The following ATP2B2 variants were observed in gnomAD, a reference collection of about 807,000 sequenced individuals.
The protein encoded by ATP2B2 is ATPase plasma membrane Ca2+ transporting 2.
Under a neutral mutation model 120.0 loss-of-function variants are expected in ATP2B2, and 15 were observed. The ratio of observed to expected loss-of-function variants is 0.12; its 90% confidence interval spans 0.08 to 0.19. The LOEUF is 0.19. Ranked by LOEUF, ATP2B2 falls within the 10% of genes least tolerant of loss-of-function variation. The probability of loss-of-function intolerance (pLI) is 1.00; values close to 1 mark genes in which losing one functional copy is unlikely to be tolerated. For synonymous variants in ATP2B2, 694 were observed against 700.3 expected, an observed-to-expected ratio of 0.99 and a Z score of 0.14; for missense variants, 1,045 against 1,719.8, an observed-to-expected ratio of 0.61 and a Z score of 6.94.
At chr3:10,471,476 G>T (rs1289403324) in intron 1 of ATP2B2, among the ~76,000 whole-genome samples, 2 of 151,968 alleles carry the variant, frequency 1.3e-5, no homozygotes, top group Non-Finnish European at 2.9e-5. Context: ...CTTACTGGAG[G>T]GAGTTGAGCA....
At chr3:10,460,615 A>G (rs141094012) in intron 1 of ATP2B2, among the ~76,000 whole-genome samples, 155 of 152,308 alleles carry the variant, frequency 1.0e-3, no homozygotes, top group African/African-American at 3.7e-3. Context: ...CCCATATTTT[A>G]GTGCTGATGC....
In ATP2B2 at chr3:10,398,904, G is replaced by A. The variant is rs565270905; in HGVS notation, c.781+2049C>T. On this transcript the variant is annotated intron_variant, in intron 5 of 22. Transcript: ENST00000360273. ...CTCTGGGCCCTCCTGCCCCTGCTCC[G>A]AGACCCGGCCACCCTATGACTCACT... 3.6e-4 allele frequency among the ~76,000 whole-genome samples: 55 copies of A among 152,176 alleles called. No individual in the cohort carries two copies. In the East Asian group the frequency reaches 8.3e-3, roughly 23 times the overall value.
intron 1 of ATP2B2, among the ~76,000 whole-genome samples, chr3:10,624,566 G>T (rs2069641924): frequency 6.6e-6 from 1 of 152,198 alleles, no homozygotes. Context: ...GAACACAGGG[G>T]TGAGGTTTTA....
intron 3 of ATP2B2, among the ~76,000 whole-genome samples, chr3:10,512,108 T>C (rs2066773121): frequency 6.6e-6 from 1 of 152,136 alleles, no homozygotes; most frequent in Admixed American, 6.5e-5. Context: ...AGAGAGGGTG[T>C]GTGGCTTGTT....
chr3:10,365,333 TGG>T (rs958494143), intron 12 of ATP2B2, among the ~76,000 whole-genome samples: 1 of 152,226 alleles, frequency 6.6e-6, no homozygotes, highest in Non-Finnish European at 1.5e-5. Flanking sequence ...TGTTTGTGTG[TGG>T]GGTGCTGCCA....
At position 10,329,497 on chromosome 3, in the gene ATP2B2, T is replaced by C. The variant is rs2059924439; in HGVS notation, c.3421-372A>G. 6.6e-6 allele frequency among the ~76,000 whole-genome samples: 1 copy of C among 151,942 alleles called. No individual in the cohort carries two copies. Among genetic ancestry groups the C allele is most frequent in the Non-Finnish European group, 1.5e-5 (1 of 68,014 alleles). ...TCACTTTAAAGCAGAGGTTCAACCATGCAGACAGGGAGGAGGACCAGGTGG... is the reference window on the plus strand; with the variant it reads ...TCACTTTAAAGCAGAGGTTCAACCACGCAGACAGGGAGGAGGACCAGGTGG... On this transcript the variant is annotated intron_variant, in intron 22 of 22. Coordinates refer to ENST00000360273, the MANE Select transcript of ATP2B2 (RefSeq NM_001001331.4). The surrounding 1 kb of genome is among the most constrained non-coding windows in gnomAD (Gnocchi z 5.9).
rs953578883 is a variant in ATP2B2, at chr3:10,410,779, T to C, written c.236A>G (p.Lys79Arg). The C allele has an allele frequency of 3.1e-6, 5 of 1,614,090 alleles. No homozygotes were observed. The highest frequency in any genetic ancestry group is 1.3e-5 in the African/African-American group (1 of 74,932). The change falls in exon 3 of 23, where the codon AAG becomes AGG. Residue 79 changes from lysine (K) to arginine (R), a missense_variant. Physicochemically the swap from Lys to Arg is conservative, Grantham distance 26 (BLOSUM62 2). This residue lies in a region of ATP2B2 where 139 missense variants were observed against 134.2 expected (regional missense o/e 1.04). Coordinates refer to ENST00000360273, the MANE Select transcript of ATP2B2 (RefSeq NM_001001331.4). ...PGTAPDLEKR[K>R]QIFGQNFIPP... ...TATAAAGTTTTGCCCAAAAATTTGC[T>C]TTCTCTTTTCCAGGTCTGGAGCGGT...
chr3:10,328,679 T>C lies in ATP2B2; in HGVS notation c.*135A>G. 1 of 939,738 alleles carries C rather than the reference T, an allele frequency of 1.1e-6. No homozygotes were observed. The allele number at this position is 939,738 out of a possible 1,614,324, so 58.2% of individuals were successfully genotyped here. On this transcript the variant is annotated 3_prime_UTR_variant, in exon 23 of 23. Coordinates refer to ENST00000360273, the MANE Select transcript of ATP2B2 (RefSeq NM_001001331.4). ...AGGGTCTGTGGGTGGAAACGTTGGT[T>C]TTCTCTCCAGTATTTGGTTTCCGAT...
intron 1 of ATP2B2, among the ~76,000 whole-genome samples, chr3:10,695,954 A>G (rs2071736112): frequency 6.6e-6 from 1 of 152,204 alleles, no homozygotes; most frequent in South Asian, 2.1e-4. Flanking sequence ...CTTGGTTGCA[A>G]CATACAAAGT....
At chr3:10,603,515 C>T (rs1426625655) in intron 2 of ATP2B2, among the ~76,000 whole-genome samples, 4 of 152,228 alleles carry the variant, frequency 2.6e-5, no homozygotes, top group Non-Finnish European at 4.4e-5. Context: ...GCTTGTGACA[C>T]CGTCAATCTG....
intron 1 of ATP2B2, among the ~76,000 whole-genome samples, chr3:10,624,391 G>A (rs1453752708): frequency 2.0e-5 from 3 of 152,278 alleles, no homozygotes; most frequent in Non-Finnish European, 2.9e-5. Flanking sequence ...CAGGTGCTAT[G>A]TCTGGGTCTC....
intron 22 of ATP2B2, chr3:10,332,272 T>C: frequency 3.7e-6 from 2 of 539,702 alleles, no homozygotes; most frequent in Non-Finnish European, 6.7e-6. Flanking sequence ...GAGCAGGAGG[T>C]GCCTTATCTG....
chr3:10,601,179 G>T (rs1423758144), intron 2 of ATP2B2, among the ~76,000 whole-genome samples: 3 of 152,128 alleles, frequency 2.0e-5, no homozygotes, highest in Non-Finnish European at 4.4e-5. Flanking sequence ...CAGGAGAGTG[G>T]CCACTCTCTA....
intron 3 of ATP2B2, among the ~76,000 whole-genome samples, chr3:10,524,317 T>C (rs1397476056): frequency 6.6e-6 from 1 of 152,194 alleles, no homozygotes; most frequent in African/African-American, 2.4e-5. Context: ...CAGGTACAAT[T>C]CTAAGCACTA....
chr3:10,706,296 T>G (rs2071895231), intron 1 of ATP2B2, among the ~76,000 whole-genome samples: 1 of 151,506 alleles, frequency 6.6e-6, no homozygotes, highest in African/African-American at 2.4e-5. Flanking sequence ...TGGAGAAGAG[T>G]GGTACAGATG....
rs776535430 is a variant in ATP2B2, at chr3:10,463,108, T to C, written c.-319-13246A>G. ...TCATGCCAACTTCTCTGTGAAGTTCTCTCCAATTCCTCTGCTCCAAATTCC... is the reference window on the plus strand; with the variant it reads ...TCATGCCAACTTCTCTGTGAAGTTCCCTCCAATTCCTCTGCTCCAAATTCC... On this transcript the variant is annotated intron_variant, in intron 1 of 22. Coordinates refer to ENST00000360273, the MANE Select transcript of ATP2B2 (RefSeq NM_001001331.4). Among the ~76,000 whole-genome samples, 225 of 152,312 alleles carry C rather than the reference T, an allele frequency of 1.5e-3. 1 individual carries two copies. Among genetic ancestry groups the C allele is most frequent in the Non-Finnish European group, 2.9e-4 (20 of 68,018 alleles).
At chr3:10,622,118 C>CCCT (rs2069568411) in intron 1 of ATP2B2, among the ~76,000 whole-genome samples, 1 of 152,094 alleles carries the variant, frequency 6.6e-6, no homozygotes, top group Non-Finnish European at 1.5e-5. Flanking sequence ...AGCCGTGCTC[C>CCCT]AGGGGCCCCC....
intron 2 of ATP2B2, among the ~76,000 whole-genome samples, chr3:10,585,089 A>C (rs2068475822): frequency 6.6e-6 from 1 of 152,108 alleles, no homozygotes; most frequent in South Asian, 2.1e-4. Flanking sequence ...TCTCTGGCTC[A>C]CACACCTGCC....
At chr3:10,698,873 A>T (rs373986554) in intron 1 of ATP2B2, among the ~76,000 whole-genome samples, 2 of 152,352 alleles carry the variant, frequency 1.3e-5, no homozygotes, top group South Asian at 2.1e-4. Context: ...GGTGGTGGTG[A>T]GGCTCCAAAG....
Sources: allele counts gnomAD v4.1 joint callset (sites outside exome capture counted in the v4.1 genomes callset), GRCh38; gene constraint gnomAD v4.1.1; regional missense constraint gnomAD v4.1.1; non-coding constraint Gnocchi (gnomAD v3.1); transcripts MANE v1.5; gene names NCBI Gene and HGNC (gene_info 2026-07-23, HGNC 2026-07-21).